KDM4C: variants seen among roughly 807,000 people sequenced by gnomAD.
KDM4C encodes lysine-specific demethylase 4C.
KDM4C carries 81 observed loss-of-function variants against 129.3 expected under a neutral mutation model. That is an observed-to-expected ratio of 0.63 (90% confidence interval 0.52 to 0.75). KDM4C has a LOEUF of 0.75. Among genes scored for constraint, KDM4C ranks in the 30% least tolerant of loss-of-function variants. KDM4C has a pLI of 0.00. For missense variants in KDM4C, 1,457 were observed against 1,304.0 expected (o/e 1.12, Z -1.81); for synonymous variants, 573 against 456.1 (o/e 1.26, Z -3.26).
chr9:7,066,536 G>C (rs1288186313), intron 17 of KDM4C, among the ~76,000 whole-genome samples: 1 of 152,122 alleles, frequency 6.6e-6, no homozygotes, highest in Non-Finnish European at 1.5e-5. Context: ...ATGTTTTTCA[G>C]ATATGATGGA....
At position 7,070,049 on chromosome 9, in the gene KDM4C, A is replaced by C. The variant is rs569165711; in HGVS notation, c.2424+20849A>C. 2.8e-3 allele frequency among the ~76,000 whole-genome samples: 423 copies of C among 152,346 alleles called. 2 individuals are homozygous for C. Among genetic ancestry groups the C allele is most frequent in the Non-Finnish European group, 5.1e-3 (347 of 68,018 alleles). Reference sequence around the variant, plus strand: ...ATTTAGCTAAATCAAAAGCAGGCAGAACAGGGGGAAAAGGGAACAACAAAC... The same window carrying C: ...ATTTAGCTAAATCAAAAGCAGGCAGCACAGGGGGAAAAGGGAACAACAAAC... On this transcript the variant is annotated intron_variant, in intron 17 of 21. Transcript: ENST00000381309.
chr9:6,908,098 A>C (rs1320189978), intron 8 of KDM4C, among the ~76,000 whole-genome samples: 1 of 152,166 alleles, frequency 6.6e-6, no homozygotes, highest in Non-Finnish European at 1.5e-5. Context: ...GGTATGTTTT[A>C]TATTGAAGAG....
intron 19 of KDM4C, among the ~76,000 whole-genome samples, chr9:7,136,016 G>A (rs756237608): frequency 1.7e-4 from 26 of 152,240 alleles, no homozygotes; most frequent in Non-Finnish European, 3.8e-4. Context: ...GTTATTGACA[G>A]TAAATTCGGG....
rs547312086 is a variant in KDM4C at position 7,002,946 on chromosome 9, C to CATCT, written c.1787-8751_1787-8748dup. On this transcript the variant is annotated intron_variant, in intron 12 of 21. Coordinates refer to ENST00000381309, the MANE Select transcript of KDM4C (RefSeq NM_015061.6). ...CACGATCTCGGCTCACTGCAGCCTC[C>CATCT]ATCTCCCAGGTTCAAGTGATTCTCC... Among the ~76,000 whole-genome samples the CATCT allele has an allele frequency of 3.3e-5, 5 of 152,350 alleles. No individual in the cohort carries two copies. The South Asian group carries it at 1.0e-3, about 32-fold the overall frequency.
rs1385270923 is a variant in KDM4C, at chr9:6,986,336, A to G, written c.1355-8A>G. The G allele has an allele frequency of 6.3e-7, 1 of 1,593,438 alleles. No individual in the cohort carries two copies. The highest frequency in any genetic ancestry group is 8.6e-7 in the Non-Finnish European group (1 of 1,164,712). On this transcript the variant is annotated splice_polypyrimidine_tract_variant and splice_region_variant and intron_variant, in intron 10 of 21. Transcript: ENST00000381309. Reference sequence around the variant, plus strand: ...TGATTTATTAACAGTCTTCTGTTTTATCCTCAGGAAACAGCTGCTTAAGTA... The same window carrying G: ...TGATTTATTAACAGTCTTCTGTTTTGTCCTCAGGAAACAGCTGCTTAAGTA...
chr9:6,734,279 C>T (rs907224334), intron 1 of KDM4C, among the ~76,000 whole-genome samples: 1 of 149,284 alleles, frequency 6.7e-6, no homozygotes, highest in African/African-American at 2.5e-5. Flanking sequence ...TTATGTAAAC[C>T]CATGTTTGGT....
At chr9:6,979,057 A>C (rs1816294419) in intron 8 of KDM4C, among the ~76,000 whole-genome samples, 1 of 152,198 alleles carries the variant, frequency 6.6e-6, no homozygotes, top group Non-Finnish European at 1.5e-5. Flanking sequence ...CAGCTCATTA[A>C]AGTGGGGAGC....
chr9:6,740,255 G>C (rs1264938316), intron 1 of KDM4C, among the ~76,000 whole-genome samples: 2 of 151,948 alleles, frequency 1.3e-5, no homozygotes, highest in African/African-American at 2.4e-5. Flanking sequence ...CCAGGCTGGA[G>C]TGCAGTGATG....
chr9:7,016,919 CTG>C (rs1478505069), intron 15 of KDM4C, among the ~76,000 whole-genome samples: 31 of 152,072 alleles, frequency 2.0e-4, no homozygotes, highest in Admixed American at 2.0e-3. Context: ...CCTGAAGAAA[CTG>C]TGTTCATATC....
chr9:6,963,379 A>G (rs1830340947), intron 8 of KDM4C, among the ~76,000 whole-genome samples: 1 of 152,254 alleles, frequency 6.6e-6, no homozygotes, highest in South Asian at 2.1e-4. Flanking sequence ...GTGATGCAGG[A>G]TAAGCACAAT....
chr9:6,943,862 C>A (rs1826401739), intron 8 of KDM4C, among the ~76,000 whole-genome samples: 1 of 152,064 alleles, frequency 6.6e-6, no homozygotes, highest in Non-Finnish European at 1.5e-5. Flanking sequence ...AAGCCAGAAT[C>A]TTTTTTTACA....
At chr9:7,102,467 A>C (rs979831313) in intron 17 of KDM4C, among the ~76,000 whole-genome samples, 16 of 152,076 alleles carry the variant, frequency 1.1e-4, no homozygotes, top group Admixed American at 2.0e-4. Context: ...AGAATGAAAT[A>C]AAGGATGGAG....
At chr9:7,047,569 A>G (rs1010956057) in intron 16 of KDM4C, among the ~76,000 whole-genome samples, 4 of 151,808 alleles carry the variant, frequency 2.6e-5, no homozygotes, top group African/African-American at 9.7e-5. Flanking sequence ...GCCAAAGCAT[A>G]TTACAGGGTC....
At chr9:7,009,383 A>C (rs1400408736) in intron 12 of KDM4C, among the ~76,000 whole-genome samples, 1 of 152,218 alleles carries the variant, frequency 6.6e-6, no homozygotes, top group Non-Finnish European at 1.5e-5. Context: ...CTGCAATTCA[A>C]TTAATTGCTC....
chr9:7,065,915 G>A (rs1369482086), intron 17 of KDM4C, among the ~76,000 whole-genome samples: 2 of 151,632 alleles, frequency 1.3e-5, no homozygotes, highest in Admixed American at 1.3e-4. Context: ...TGATCCGCAG[G>A]TCTTTTCCTA....
intron 5 of KDM4C, among the ~76,000 whole-genome samples, chr9:6,870,684 G>A (rs573601240): frequency 6.6e-6 from 1 of 152,000 alleles, no homozygotes; most frequent in Non-Finnish European, 1.5e-5. Flanking sequence ...GGGGCCGGGG[G>A]ATCATTTTGG....
chr9:6,777,467 C>G (rs545076152), intron 1 of KDM4C, among the ~76,000 whole-genome samples: 4 of 152,296 alleles, frequency 2.6e-5, no homozygotes, highest in African/African-American at 9.6e-5. Flanking sequence ...TGTGGGAGGA[C>G]TTTTAGAATG....
At chr9:6,939,420 G>A (rs62533830) in intron 8 of KDM4C, among the ~76,000 whole-genome samples, 38,905 of 151,912 alleles carry the variant, frequency 0.26, 5,433 homozygotes, top group South Asian at 0.4. Context: ...TGAGTTGTGT[G>A]ATTATTTCAT....
intron 17 of KDM4C, chr9:7,077,319 G>C (rs1157052623): frequency 2.8e-5 from 21 of 760,104 alleles, no homozygotes; most frequent in African/African-American, 3.8e-5. Flanking sequence ...TGGACATATA[G>C]TTGTCATCCT....
Sources: gnomAD v4.1 joint callset for allele counts (sites outside exome capture counted in the v4.1 genomes callset) on GRCh38, gnomAD v4.1.1 for gene constraint, MANE v1.5 for transcripts, NCBI Gene and HGNC (gene_info 2026-07-23, HGNC 2026-07-21) for gene names.